Variants in RSRC1 observed in about 807,000 individuals in gnomAD.
RSRC1 encodes arginine and serine rich coiled-coil 1.
RSRC1 carries 39 observed loss-of-function variants against 49.1 expected under a neutral mutation model. The observed-to-expected ratio is 0.79, with a 90% CI of 0.61 to 1.04. The LOEUF (loss-of-function observed/expected upper bound fraction) is 1.04. Ranked by LOEUF, RSRC1 falls within the 50% of genes least tolerant of loss-of-function variation. RSRC1 has a pLI of 0.00. For missense variants in RSRC1, 388 were observed against 402.4 expected (o/e 0.96, Z 0.31); for synonymous variants, 143 against 130.8 (o/e 1.09, Z -0.63).
intron 5 of RSRC1, among the ~76,000 whole-genome samples, chr3:158,350,503 C>T (rs889197705): frequency 1.3e-5 from 2 of 152,106 alleles, no homozygotes; most frequent in African/African-American, 2.4e-5. Context: ...GTCCTGGAGA[C>T]TAGAGGTTCA....
chr3:158,306,814 T>C (rs906790072), intron 5 of RSRC1, among the ~76,000 whole-genome samples: 1 of 151,934 alleles, frequency 6.6e-6, no homozygotes, highest in African/African-American at 2.4e-5. Context: ...CGTATTATAG[T>C]ATAATTTCTT....
At chr3:158,508,916 C>T (rs1740010514) in intron 7 of RSRC1, among the ~76,000 whole-genome samples, 2 of 152,128 alleles carry the variant, frequency 1.3e-5, no homozygotes, top group Non-Finnish European at 2.9e-5. Flanking sequence ...CACCTCTGCT[C>T]CCTGATTTGC....
chr3:158,448,542 T>C (rs1268738808), intron 6 of RSRC1, among the ~76,000 whole-genome samples: 2 of 151,984 alleles, frequency 1.3e-5, no homozygotes, highest in Non-Finnish European at 2.9e-5. Flanking sequence ...CAAATTTTAA[T>C]TGAATTTGTT....
intron 6 of RSRC1, among the ~76,000 whole-genome samples, chr3:158,442,468 A>T (rs888789481): frequency 2.0e-5 from 3 of 152,028 alleles, no homozygotes; most frequent in Non-Finnish European, 4.4e-5. Flanking sequence ...AATACTTAAG[A>T]AGCAATTTCT....
chr3:158,312,849 A>G (rs1728206128), intron 5 of RSRC1, among the ~76,000 whole-genome samples: 1 of 152,190 alleles, frequency 6.6e-6, no homozygotes, highest in African/African-American at 2.4e-5. Flanking sequence ...TGCTGCCTGG[A>G]CTACCCACAA....
At chr3:158,406,883 AG>A (rs1454437467) in intron 6 of RSRC1, among the ~76,000 whole-genome samples, 6 of 152,112 alleles carry the variant, frequency 3.9e-5, no homozygotes, top group Non-Finnish European at 8.8e-5. Flanking sequence ...AAAGGGCTTT[AG>A]TCGGCTTCTG....
At chr3:158,446,802 A>G (rs528967644) in intron 6 of RSRC1, among the ~76,000 whole-genome samples, 2 of 152,106 alleles carry the variant, frequency 1.3e-5, no homozygotes, top group East Asian at 3.9e-4. Flanking sequence ...CTCTTCATTA[A>G]CAGGCTAGTA....
intron 5 of RSRC1, among the ~76,000 whole-genome samples, chr3:158,309,328 A>G (rs1174272106): frequency 6.6e-6 from 1 of 151,860 alleles, no homozygotes; most frequent in Non-Finnish European, 1.5e-5. Flanking sequence ...TTGATGTGGT[A>G]TCTGCTTTTA....
chr3:158,255,297 C>T (rs1367057780), intron 4 of RSRC1, among the ~76,000 whole-genome samples: 1 of 152,126 alleles, frequency 6.6e-6, no homozygotes, highest in Non-Finnish European at 1.5e-5. Flanking sequence ...AGCCAGTTTT[C>T]CCAGCACCAT....
In RSRC1 at chr3:158,235,606, C is replaced by G. The variant is rs554632540; in HGVS notation, c.494+32361C>G. Among the ~76,000 whole-genome samples the G allele has an allele frequency of 2.4e-4, 36 of 151,906 alleles. No individual in the cohort carries two copies. The South Asian group carries it at 7.3e-3, about 31-fold the overall frequency. On this transcript the variant is annotated intron_variant, in intron 4 of 9. Coordinates refer to ENST00000611884, the MANE Select transcript of RSRC1 (RefSeq NM_001271838.2). ...AGTTCATATATATTTTAAACTGAAA[C>G]TTAACACTACAGAATTTTTACTTAA...
chr3:158,462,691 T>C (rs1036771107), intron 7 of RSRC1, among the ~76,000 whole-genome samples: 4 of 152,040 alleles, frequency 2.6e-5, no homozygotes, highest in African/African-American at 4.8e-5. Context: ...TACAGCTCTC[T>C]TGTTTTCATT....
chr3:158,497,644 C>G (rs565141817), intron 7 of RSRC1, among the ~76,000 whole-genome samples: 2 of 152,074 alleles, frequency 1.3e-5, no homozygotes, highest in South Asian at 4.2e-4. Flanking sequence ...ACCATGTTGG[C>G]CAGGATGACC....
intron 3 of RSRC1, among the ~76,000 whole-genome samples, chr3:158,192,755 G>A (rs1006330194): frequency 6.6e-6 from 1 of 152,036 alleles, no homozygotes; most frequent in African/African-American, 2.4e-5. Flanking sequence ...TGGATGATAG[G>A]TGATATGGTC....
intron 3 of RSRC1, among the ~76,000 whole-genome samples, chr3:158,196,711 G>A (rs1204036326): frequency 6.6e-6 from 1 of 152,122 alleles, no homozygotes; most frequent in African/African-American, 2.4e-5. Flanking sequence ...CTAGCATGAA[G>A]CGTTGTTGAA....
chr3:158,324,101 A>G (rs1018077034), intron 5 of RSRC1, among the ~76,000 whole-genome samples: 2 of 152,220 alleles, frequency 1.3e-5, no homozygotes, highest in African/African-American at 2.4e-5. Context: ...ATACAGCTAC[A>G]TTATACTTCA....
intron 3 of RSRC1, among the ~76,000 whole-genome samples, chr3:158,175,959 A>G (rs997114194): frequency 3.3e-5 from 5 of 152,046 alleles, no homozygotes; most frequent in Non-Finnish European, 5.9e-5. Flanking sequence ...TTCTCGTGCC[A>G]TGGTTCTGAG....
At chr3:158,379,837 C>CACACACACAT (rs756663444) in intron 6 of RSRC1, among the ~76,000 whole-genome samples, 7 of 147,846 alleles carry the variant, frequency 4.7e-5, no homozygotes, top group Non-Finnish European at 1.0e-4. Flanking sequence ...CACACACACA[C>CACACACACAT]CCTCCCTCCC....
intron 4 of RSRC1, among the ~76,000 whole-genome samples, chr3:158,263,504 G>T (rs1725007122): frequency 6.6e-6 from 1 of 151,934 alleles, no homozygotes; most frequent in Admixed American, 6.5e-5. Context: ...TAATTCCTTT[G>T]TCTGTGTTTG....
chr3:158,383,796 T>C (rs1732831667), intron 6 of RSRC1, among the ~76,000 whole-genome samples: 2 of 152,276 alleles, frequency 1.3e-5, no homozygotes, highest in South Asian at 4.1e-4. Flanking sequence ...TAGAAAGATA[T>C]CAGTCACAAA....
Sources: allele counts gnomAD v4.1 joint callset (sites outside exome capture counted in the v4.1 genomes callset), GRCh38; gene constraint gnomAD v4.1.1; transcripts MANE v1.5; gene names NCBI Gene and HGNC (gene_info 2026-07-23, HGNC 2026-07-21).